Variants in LARS2 observed in about 807,000 individuals in gnomAD.
LARS2 encodes the protein leucine--tRNA ligase, mitochondrial.
LARS2 carries 81 observed loss-of-function variants against 116.6 expected under a neutral mutation model. That is an observed-to-expected ratio of 0.69 (90% CI 0.58 to 0.84). LARS2 has a LOEUF of 0.84. Among genes scored for constraint, LARS2 ranks in the 40% least tolerant of loss-of-function variants. The pLI is 0.00. For missense variants in LARS2, 968 were observed against 1,114.5 expected, an observed-to-expected ratio of 0.87 and a Z score of 1.87; for synonymous variants, 396 against 407.2, an observed-to-expected ratio of 0.97 and a Z score of 0.33.
At chr3:45,418,058 T>C (rs760811211) in intron 5 of LARS2, among the ~76,000 whole-genome samples, 26 of 152,222 alleles carry the variant, frequency 1.7e-4, no homozygotes, top group Non-Finnish European at 3.2e-4. Context: ...GGTGTGGTTT[T>C]CTCCAAGGCG....
At chr3:45,411,503 C>A (rs1034002671) in intron 4 of LARS2, among the ~76,000 whole-genome samples, 1 of 152,206 alleles carries the variant, frequency 6.6e-6, no homozygotes, top group African/African-American at 2.4e-5. Context: ...AACCTTCCAG[C>A]CTTCCAAGAA....
chr3:45,393,035 T>A (rs1697981888), intron 2 of LARS2, among the ~76,000 whole-genome samples: 1 of 152,216 alleles, frequency 6.6e-6, no homozygotes, highest in South Asian at 2.1e-4. Context: ...ACCCTTTGAA[T>A]AGCAATAAAA....
intron 19 of LARS2, among the ~76,000 whole-genome samples, chr3:45,521,599 T>C (rs371207420): frequency 6.6e-6 from 1 of 152,144 alleles, no homozygotes; most frequent in South Asian, 2.1e-4. Context: ...AAAGCACTCT[T>C]ACATATTAAT....
intron 7 of LARS2, among the ~76,000 whole-genome samples, chr3:45,457,157 C>T (rs1699226688): frequency 6.6e-6 from 1 of 152,214 alleles, no homozygotes; most frequent in Admixed American, 6.5e-5. Flanking sequence ...GCACGGGAGA[C>T]CTGCCCAACA....
At chr3:45,421,271 T>A (rs1181952919) in intron 6 of LARS2, 1 of 152,242 alleles carries the variant, frequency 6.6e-6, no homozygotes, top group Non-Finnish European at 1.5e-5. Context: ...TGAACTGATA[T>A]TTATCTCACT....
At chr3:45,455,218 C>A (rs1446714998) in intron 7 of LARS2, among the ~76,000 whole-genome samples, 1 of 148,928 alleles carries the variant, frequency 6.7e-6, no homozygotes, top group Non-Finnish European at 1.5e-5. Context: ...ATTTTGTAAT[C>A]TAGAGCCTGA....
intron 14 of LARS2, among the ~76,000 whole-genome samples, chr3:45,498,291 C>T (rs1700052162): frequency 6.6e-6 from 1 of 152,212 alleles, no homozygotes; most frequent in Admixed American, 6.5e-5. Flanking sequence ...TCAGCCCCAG[C>T]ACGAGTTCTT....
chr3:45,431,101 G>T (rs1698704562), intron 6 of LARS2, among the ~76,000 whole-genome samples: 2 of 152,118 alleles, frequency 1.3e-5, no homozygotes, highest in Non-Finnish European at 2.9e-5. Flanking sequence ...ATCTCTCCCT[G>T]CCATGTAAGG....
intron 20 of LARS2, among the ~76,000 whole-genome samples, chr3:45,541,205 C>G (rs1029027374): frequency 6.6e-6 from 1 of 152,166 alleles, no homozygotes; most frequent in African/African-American, 2.4e-5. Flanking sequence ...ACGAAGCACT[C>G]TGGGAAACGG....
chr3:45,524,077 G>A lies in LARS2; in HGVS notation c.2373G>A (p.Leu791=), dbSNP rs368789281. Residue 791 remains leucine, a synonymous_variant, in exon 20 of 22, where the codon CTG becomes CTA. Coordinates refer to ENST00000645846, the MANE Select transcript of LARS2 (RefSeq NM_015340.4). The part of the protein sequence containing the change: ...LCALMVMAAP[L]APHVTSEIWA... ...CCCTGATGGTAATGGCTGCTCCACT[G>A]GCCCCTCATGTAACCTCAGAGATCT... 3 of 1,613,230 alleles carry A rather than the reference G, an allele frequency of 1.9e-6. No individual in the cohort carries two copies. The African/African-American group carries it at 4.0e-5, about 22-fold the overall frequency.
chr3:45,487,706 A>G (rs1423732350), intron 11 of LARS2, among the ~76,000 whole-genome samples: 3 of 152,148 alleles, frequency 2.0e-5, no homozygotes, highest in African/African-American at 7.2e-5. Context: ...CCCCCGCAAC[A>G]AAGTCCACAA....
chr3:45,488,115 A>T (rs1404077458), intron 11 of LARS2, among the ~76,000 whole-genome samples: 1 of 152,106 alleles, frequency 6.6e-6, no homozygotes, highest in African/African-American at 2.4e-5. Context: ...GCACTCAAAA[A>T]TGTATATATT....
At position 45,547,465 on chromosome 3, in the gene LARS2, C is replaced by T. The variant is rs750197363; in HGVS notation, c.2647C>T (p.Arg883Ter). The T allele has an allele frequency of 2.5e-6, 4 of 1,613,718 alleles. No homozygotes were observed. Among genetic ancestry groups the T allele is most frequent in the South Asian group, 1.1e-5 (1 of 90,994 alleles). ...GCTGGGTGTCAGGCTTTTGCAAGGA[C>T]GAAGCATCAAGAAGTCCTTCCTTTC... Reference protein sequence around the residue: ...SELGVRLLQGRSIKKSFLSPR... With the variant: ...SELGVRLLQG Residue 883 changes from arginine to a stop codon, truncating the protein, a stop_gained, in exon 22 of 22, where the codon CGA (arginine) becomes TGA (stop). Coordinates refer to ENST00000645846, the MANE Select transcript of LARS2 (RefSeq NM_015340.4). LOFTEE classifies it high-confidence loss of function.
intron 15 of LARS2, among the ~76,000 whole-genome samples, chr3:45,505,262 AG>A (rs1253418966): frequency 1.3e-5 from 2 of 152,002 alleles, no homozygotes; most frequent in African/African-American, 4.8e-5. Flanking sequence ...ACTTGAGCCC[AG>A]GAGCTTGATT....
intron 1 of LARS2, among the ~76,000 whole-genome samples, chr3:45,390,110 G>T (rs1471300895): frequency 1.3e-5 from 2 of 151,932 alleles, no homozygotes; most frequent in Non-Finnish European, 2.9e-5. Flanking sequence ...GGTGGAATCA[G>T]TTTACATTCC....
rs146001535 is a variant in LARS2, at chr3:45,401,664, G to A, written c.363+1291G>A. ...AGACAGGGTCTCATTTTGTCACCCC[G>A]GCTGGAGTGCTGTGGTTGCAATCAC... On this transcript the variant is annotated intron_variant, in intron 4 of 21. Coordinates refer to ENST00000645846, the MANE Select transcript of LARS2 (RefSeq NM_015340.4). 4.8e-3 allele frequency among the ~76,000 whole-genome samples: 732 copies of A among 152,090 alleles called. 10 individuals carry two copies. The highest frequency in any genetic ancestry group is 0.016 in the Admixed American group (242 of 15,292).
chr3:45,439,261 G>T (rs1365280012), intron 6 of LARS2, among the ~76,000 whole-genome samples: 1 of 110,520 alleles, frequency 9.0e-6, no homozygotes, highest in South Asian at 3.2e-4. Flanking sequence ...TCACTCCATC[G>T]CCCAGGCTGG....
In LARS2 at chr3:45,447,787, C is replaced by T. The variant is rs372434714; in HGVS notation, c.606+807C>T. Among the ~76,000 whole-genome samples the T allele has an allele frequency of 9.9e-5, 15 of 151,880 alleles. No individual in the cohort carries two copies. The East Asian group carries it at 1.3e-3, about 14-fold the overall frequency. Reference sequence around the variant, plus strand: ...AAGAACAGCTATCACAGTGGTCTCCCGAGAAATGAAAGTGTTTGTTATGGT... The same window carrying T: ...AAGAACAGCTATCACAGTGGTCTCCTGAGAAATGAAAGTGTTTGTTATGGT... On this transcript the variant is annotated intron_variant, in intron 7 of 21. Transcript: ENST00000645846.
chr3:45,402,982 G>A (rs1172678959), intron 4 of LARS2, among the ~76,000 whole-genome samples: 1 of 151,860 alleles, frequency 6.6e-6, no homozygotes, highest in Non-Finnish European at 1.5e-5. Context: ...GCCCGTGCTT[G>A]TAATCTGAGC....
Sources: gnomAD v4.1 joint callset for allele counts (sites outside exome capture counted in the v4.1 genomes callset) on GRCh38, gnomAD v4.1.1 for gene constraint, MANE v1.5 for transcripts, NCBI Gene and HGNC (gene_info 2026-07-23, HGNC 2026-07-21) for gene names.